The following MACF1 variants were observed in gnomAD, a reference collection of about 807,000 sequenced individuals.
MACF1 encodes the protein microtubule-actin cross-linking factor 1.
In MACF1, 193 loss-of-function variants were observed where a neutral mutation model predicts 854.8. The observed-to-expected ratio is 0.23, with a 90% CI of 0.20 to 0.25. The LOEUF (loss-of-function observed/expected upper bound fraction) is 0.25, where lower values mean the gene tolerates loss of function less well. MACF1 is among the 10% of genes least tolerant of loss of function. The probability of loss-of-function intolerance (pLI) is 1.00; values close to 1 mark genes in which losing one functional copy is unlikely to be tolerated. For missense variants in MACF1, 7,722 were observed against 8,929.1 expected (o/e 0.86, Z 5.45); for synonymous variants, 3,185 against 3,226.7 (o/e 0.99, Z 0.44).
At chr1:39,384,516 T>A (rs1483827711) in intron 56 of MACF1, among the ~76,000 whole-genome samples, 1 of 152,090 alleles carries the variant, frequency 6.6e-6, no homozygotes, top group Non-Finnish European at 1.5e-5. Flanking sequence ...AGCTAGTAGG[T>A]GACAGAACCA....
At chr1:39,389,565 G>T (rs1641952379) in intron 58 of MACF1, among the ~76,000 whole-genome samples, 1 of 150,936 alleles carries the variant, frequency 6.6e-6, no homozygotes, top group South Asian at 2.1e-4. Context: ...TCACCATATT[G>T]GCCAGGCTGG....
chr1:39,458,232 A>G (rs566922487), intron 89 of MACF1, 138 bp from the exon 90 acceptor site: 172 of 709,072 alleles, frequency 2.4e-4, no homozygotes, highest in Non-Finnish European at 3.5e-4. Flanking sequence ...TCCCTCAGTA[A>G]CTCAACTCAG....
intron 31 of MACF1, among the ~76,000 whole-genome samples, chr1:39,321,236 A>G (rs1375478803): frequency 6.6e-6 from 1 of 152,218 alleles, no homozygotes; most frequent in South Asian, 2.1e-4. Flanking sequence ...TACTTTGAGT[A>G]TGCACTTAGA....
At chr1:39,281,119 T>C (rs1645535271) in intron 6 of MACF1, among the ~76,000 whole-genome samples, 1 of 152,222 alleles carries the variant, frequency 6.6e-6, no homozygotes, top group Admixed American at 6.5e-5. Context: ...TTTCCTCACC[T>C]GCATTATGAT....
chr1:39,341,929 A>C (rs1024454161), intron 40 of MACF1, among the ~76,000 whole-genome samples: 1 of 151,832 alleles, frequency 6.6e-6, no homozygotes, highest in African/African-American at 2.4e-5. Flanking sequence ...TCAGGGGTAC[A>C]TGTGCAGGTT....
chr1:39,370,586 GC>G (rs1356846902), intron 51 of MACF1, among the ~76,000 whole-genome samples: 3 of 152,188 alleles, frequency 2.0e-5, no homozygotes, highest in African/African-American at 7.2e-5. Flanking sequence ...TAATTATCCA[GC>G]CTCTGCTTAC....
At chr1:39,456,162 T>C (rs1459150486) in intron 89 of MACF1, among the ~76,000 whole-genome samples, 2 of 152,174 alleles carry the variant, frequency 1.3e-5, no homozygotes, top group Non-Finnish European at 1.5e-5. Flanking sequence ...GGTGAAACCC[T>C]ATCTCTACTA....
At chr1:39,374,585 C>T (rs1389500135) in intron 52 of MACF1, among the ~76,000 whole-genome samples, 1 of 152,130 alleles carries the variant, frequency 6.6e-6, no homozygotes, top group Non-Finnish European at 1.5e-5. Context: ...TATATGGTCT[C>T]TGTCACAGTC....
At chr1:39,348,756 A>G (rs1038515816) in intron 41 of MACF1, among the ~76,000 whole-genome samples, 2 of 152,224 alleles carry the variant, frequency 1.3e-5, no homozygotes, top group African/African-American at 4.8e-5. Flanking sequence ...AGGTGCTTCA[A>G]TGTCATACAA....
intron 26 of MACF1, among the ~76,000 whole-genome samples, chr1:39,312,296 A>G (rs1646317638): frequency 1.3e-5 from 2 of 152,212 alleles, no homozygotes; most frequent in African/African-American, 4.8e-5. Flanking sequence ...TTTCAGATAT[A>G]TAGAAAAGTT....
chr1:39,401,266 C>T (rs1252855837), intron 58 of MACF1, among the ~76,000 whole-genome samples: 1 of 152,158 alleles, frequency 6.6e-6, no homozygotes, highest in East Asian at 1.9e-4. Flanking sequence ...GAAGACATTA[C>T]CAGCTCAGTG....
chr1:39,104,475 T>G (rs892255390), intron 2 of MACF1, among the ~76,000 whole-genome samples: 1 of 152,222 alleles, frequency 6.6e-6, no homozygotes, highest in African/African-American at 2.4e-5. Context: ...TCCAGAGTCC[T>G]TTCTTTGTTC....
intron 2 of MACF1, among the ~76,000 whole-genome samples, chr1:39,112,364 A>G (rs1208542655): frequency 6.6e-6 from 1 of 152,102 alleles, no homozygotes; most frequent in Non-Finnish European, 1.5e-5. Context: ...GATTACAGGC[A>G]TGAGCCACTG....
chr1:39,246,777 T>G (rs1481487124), intron 2 of MACF1, among the ~76,000 whole-genome samples: 1 of 151,922 alleles, frequency 6.6e-6, no homozygotes, highest in Admixed American at 6.6e-5. Context: ...CCCAAAGTGC[T>G]GAGATTACAG....
At chr1:39,392,606 C>A (rs1482421047) in intron 58 of MACF1, among the ~76,000 whole-genome samples, 1 of 152,090 alleles carries the variant, frequency 6.6e-6, no homozygotes, top group Non-Finnish European at 1.5e-5. Flanking sequence ...TGCTTTAACC[C>A]AGCTAACTCC....
At chr1:39,475,360 T>C (rs1475400401) in intron 97 of MACF1, among the ~76,000 whole-genome samples, 3 of 151,706 alleles carry the variant, frequency 2.0e-5, no homozygotes, top group Non-Finnish European at 4.4e-5. Flanking sequence ...TCCCAGCTAC[T>C]TGGGAGGCTG....
rs746788698 is a variant in MACF1, at chr1:39,481,027, C to T, written c.22278C>T (p.Pro7426=). Residue 7426 remains proline, a synonymous_variant, in exon 99 of 101, where the codon CCC becomes CCT. Transcript: ENST00000564288. The part of the protein sequence containing the change: ...SHSPDLQLPT[P]EVIPSSGSKL... ...CTCCTGACCTCCAGCTGCCCACCCC[C>T]GAGGTAGAGTATGGCTTTGCTGACT... 450 of 1,547,170 alleles carry T rather than the reference C, an allele frequency of 2.9e-4. No individual in the cohort carries two copies. Among genetic ancestry groups the T allele is most frequent in the Non-Finnish European group, 3.8e-4 (434 of 1,143,974 alleles).
intron 100 of MACF1, chr1:39,485,180 C>A: frequency 3.2e-6 from 1 of 307,942 alleles, no homozygotes. Context: ...CATTTCCTGG[C>A]TGGCTGCTTC....
intron 22 of MACF1, among the ~76,000 whole-genome samples, chr1:39,300,856 G>A (rs1287540385): frequency 3.3e-5 from 5 of 152,014 alleles, no homozygotes; most frequent in Admixed American, 6.6e-5. Flanking sequence ...ACCAGCTTGC[G>A]TCTCTGCAAA....
Sources: gnomAD v4.1 joint callset for allele counts (sites outside exome capture counted in the v4.1 genomes callset) on GRCh38, gnomAD v4.1.1 for gene constraint, MANE v1.5 for transcripts, NCBI Gene and HGNC (gene_info 2026-07-23, HGNC 2026-07-21) for gene names.